The following ZFC3H1 variants were observed in gnomAD, a reference collection of about 807,000 sequenced individuals.
ZFC3H1 encodes the protein zinc finger C3H1 domain-containing protein.
A neutral mutation model predicts 243.7 loss-of-function variants in ZFC3H1; 71 were observed. The observed-to-expected ratio is 0.29, with a 90% CI of 0.24 to 0.36. ZFC3H1 has a LOEUF of 0.36. Ranked by LOEUF, ZFC3H1 falls within the 10% of genes least tolerant of loss-of-function variation. The pLI, the probability that ZFC3H1 is intolerant of heterozygous loss-of-function variation, is 1.00. For synonymous variants in ZFC3H1, 838 were observed against 813.0 expected (o/e 1.03, Z -0.52); for missense variants, 1,966 against 2,317.1 (o/e 0.85, Z 3.11).
intron 20 of ZFC3H1, 118 bp from the exon 21 acceptor site, chr12:71,628,052 T>C (rs1247239633): frequency 2.2e-5 from 22 of 994,932 alleles, no homozygotes; most frequent in African/African-American, 3.3e-5. Context: ...TCTAATGACA[T>C]GTACTAGCTC....
chr12:71,652,509 G>A (rs917539410), intron 2 of ZFC3H1, among the ~76,000 whole-genome samples: 1 of 152,084 alleles, frequency 6.6e-6, no homozygotes, highest in Non-Finnish European at 1.5e-5. Flanking sequence ...AAAGCCCTCT[G>A]TGCCTGTCTA....
intron 2 of ZFC3H1, chr12:71,656,332 C>CA (rs1881018488): frequency 2.5e-6 from 1 of 393,446 alleles, no homozygotes; most frequent in African/African-American, 2.1e-5. Flanking sequence ...AAAAACAAGC[C>CA]AAATCCATGA....
intron 2 of ZFC3H1, among the ~76,000 whole-genome samples, chr12:71,654,253 A>G (rs1880961807): frequency 6.6e-6 from 1 of 152,086 alleles, no homozygotes; most frequent in African/African-American, 2.4e-5. Context: ...CAGCCTAGAC[A>G]ACATACTGAG....
At chr12:71,648,817 C>T (rs1164820886) in intron 2 of ZFC3H1, among the ~76,000 whole-genome samples, 1 of 152,144 alleles carries the variant, frequency 6.6e-6, no homozygotes, top group Non-Finnish European at 1.5e-5. Flanking sequence ...CAGCCAGGCA[C>T]AGTGGCTTAT....
intron 31 of ZFC3H1, among the ~76,000 whole-genome samples, chr12:71,612,694 A>G (rs1879801760): frequency 6.6e-6 from 1 of 152,196 alleles, no homozygotes; most frequent in South Asian, 2.1e-4. Flanking sequence ...ATTAAGATAC[A>G]ACTGATGCAG....
At position 71,630,644 on chromosome 12, in the gene ZFC3H1, CCAAT is replaced by C. The variant is rs1880299540; in HGVS notation, c.3676_3679del (p.Ile1226ValfsTer25). 1 of 1,613,604 alleles carries C rather than the reference CCAAT, an allele frequency of 6.2e-7. No homozygotes were observed. The highest frequency in any genetic ancestry group is 8.5e-7 in the Non-Finnish European group (1 of 1,179,802). On this transcript the variant is annotated frameshift_variant, in exon 18 of 35. Coordinates refer to ENST00000378743, the MANE Select transcript of ZFC3H1 (RefSeq NM_144982.5). LOFTEE classifies it high-confidence loss of function. ...TTCATTAGTACTTGTCTCTGCACAA[CCAAT>C]CAAAGACAGATTATATGACAGAATG...
At position 71,644,991 on chromosome 12, in the gene ZFC3H1, T is replaced by C. The variant is rs754264833; in HGVS notation, c.1165A>G (p.Lys389Glu). 1 of 1,613,830 alleles carries C rather than the reference T, an allele frequency of 6.2e-7. No individual in the cohort carries two copies. The highest frequency in any genetic ancestry group is 8.5e-7 in the Non-Finnish European group (1 of 1,180,018). ...CTTTCTTTCATCACCTGCTGTTCTTTTTGTTGCCATTTTTTACTGGCTGAC... is the reference window on the plus strand; with the variant it reads ...CTTTCTTTCATCACCTGCTGTTCTTCTTGTTGCCATTTTTTACTGGCTGAC... ...LQSASKKWQQ[K>E]EQQVMKESKE... The change falls in exon 4 of 35, where the codon AAA becomes GAA. Residue 389 changes from lysine (K) to glutamate (E), a missense_variant. Physicochemically the swap from Lys to Glu is moderately conservative, Grantham distance 56. Transcript: ENST00000378743.
At chr12:71,634,558 AC>A in intron 11 of ZFC3H1, 145 bp downstream of exon 11, 2 of 1,047,060 alleles carry the variant, frequency 1.9e-6, no homozygotes, top group South Asian at 1.8e-5. Context: ...ACCATCCAGC[AC>A]CATCTTCTGT....
In ZFC3H1 at chr12:71,631,717, A is replaced by G. The variant is rs934809589; in HGVS notation, c.3470+61T>C. On this transcript the variant is annotated intron_variant, in intron 16 of 34. Coordinates refer to ENST00000378743, the MANE Select transcript of ZFC3H1 (RefSeq NM_144982.5). The stretch of plus-strand genomic sequence containing the variant: ...TTCATTATCATCAAATATTCAAGAT[A>G]AAATATTAAAAACCAAACAGAAATC... The G allele has an allele frequency of 5.9e-6, 8 of 1,363,370 alleles. No individual in the cohort carries two copies. In the African/African-American group the frequency reaches 5.9e-5, roughly 10 times the overall value. 84.5% of individuals were successfully genotyped at this position (1,363,370 alleles called of 1,614,324 possible). A position where few individuals can be genotyped will look rare whatever the true frequency, so the allele number is the denominator to read the frequency against.
rs768023781 is a variant in ZFC3H1 at position 71,630,669 on chromosome 12, G to A, written c.3655C>T (p.Leu1219=). 34 of 1,613,470 alleles carry A rather than the reference G, an allele frequency of 2.1e-5. No individual in the cohort carries two copies. The highest frequency in any genetic ancestry group is 2.8e-5 in the Non-Finnish European group (33 of 1,179,784). The part of the protein sequence containing the change: ...LSRKQLFQDI[L]SYNLSLIGCA... ...CCAATCAAAGACAGATTATATGACA[G>A]AATGTCCTGGAATAACTGTTTTCGG... Residue 1219 remains leucine, a synonymous_variant, in exon 18 of 35, where the codon CTG becomes TTG. Transcript: ENST00000378743.
chr12:71,630,502 T>C (rs1309285897), intron 18 of ZFC3H1, 98 bp downstream of exon 18: 12 of 1,432,876 alleles, frequency 8.4e-6, no homozygotes, highest in East Asian at 2.3e-5. Context: ...ATACACTGAA[T>C]TATAGTAAGT....
rs1395623560 is a variant in ZFC3H1, at chr12:71,614,589, G to A, written c.5472C>T (p.Tyr1824=). The change falls in exon 30 of 35, where the codon TAC becomes TAT. Residue 1824 remains tyrosine, a synonymous_variant. Coordinates refer to ENST00000378743, the MANE Select transcript of ZFC3H1 (RefSeq NM_144982.5). ...AATCAGCACTGCTAAAAGGAATGGG[G>A]TATCGGGCAGGGACTGTAACCAAAC... ...NRCLVTVPAR[Y]PIPFSSADYW... 7 of 1,612,798 alleles carry A rather than the reference G, an allele frequency of 4.3e-6. No individual in the cohort carries two copies. The highest frequency in any genetic ancestry group is 1.3e-5 in the African/African-American group (1 of 74,862).
chr12:71,639,414 G>C (rs1438218656), intron 6 of ZFC3H1: 2 of 246,918 alleles, frequency 8.1e-6, no homozygotes, highest in Non-Finnish European at 1.6e-5. Context: ...AGGTGGCAGA[G>C]AGAAGAGAGG....
chr12:71,658,320 G>C (rs977861601), intron 1 of ZFC3H1, among the ~76,000 whole-genome samples: 2 of 116,858 alleles, frequency 1.7e-5, no homozygotes, highest in Non-Finnish European at 3.2e-5. Flanking sequence ...ACAGAGTCTC[G>C]CACTGTCAGC....
intron 1 of ZFC3H1, 102 bp downstream of exon 1, chr12:71,662,911 C>T: frequency 1.7e-6 from 2 of 1,148,792 alleles, no homozygotes; most frequent in Non-Finnish European, 2.5e-6. Flanking sequence ...GAGAAATAAG[C>T]GGTTCTGATG....
Position 71,619,954 on chromosome 12 carries a change from T to TA in ZFC3H1, c.5020dup (p.Tyr1674LeufsTer15), listed in dbSNP as rs1209477367. 6.3e-7 allele frequency: 1 copy of TA among 1,597,702 alleles called. No individual in the cohort carries two copies. Among genetic ancestry groups the TA allele is most frequent in the Non-Finnish European group, 8.5e-7 (1 of 1,170,384 alleles). On this transcript the variant is annotated frameshift_variant, in exon 26 of 35. Coordinates refer to ENST00000378743, the MANE Select transcript of ZFC3H1 (RefSeq NM_144982.5). LOFTEE classifies it high-confidence loss of function. ...TAAGATGAAGAATTTGCACATATGA[T>TA]AAAAAACCTCTGCATTCTGAGGATT...
chr12:71,622,297 T>C (rs1220078110), intron 24 of ZFC3H1, among the ~76,000 whole-genome samples: 1 of 152,178 alleles, frequency 6.6e-6, no homozygotes, highest in African/African-American at 2.4e-5. Context: ...ACCCCATCTC[T>C]GATGAGACCC....
At chr12:71,646,652 A>C (rs1243225160) in intron 3 of ZFC3H1, among the ~76,000 whole-genome samples, 1 of 152,182 alleles carries the variant, frequency 6.6e-6, no homozygotes, top group Non-Finnish European at 1.5e-5. Flanking sequence ...GGATCTCACT[A>C]TGTTGCCCAG....
At chr12:71,616,751 G>A (rs189537245) in intron 27 of ZFC3H1, among the ~76,000 whole-genome samples, 2 of 152,288 alleles carry the variant, frequency 1.3e-5, no homozygotes, top group African/African-American at 2.4e-5. Context: ...TAGACGGGCT[G>A]TATGGGGGGC....
Sources: gnomAD v4.1 joint callset for allele counts (sites outside exome capture counted in the v4.1 genomes callset) on GRCh38, gnomAD v4.1.1 for gene constraint, MANE v1.5 for transcripts, NCBI Gene and HGNC (gene_info 2026-07-23, HGNC 2026-07-21) for gene names.